The following CASZ1 variants were observed in gnomAD, a reference collection of about 807,000 sequenced individuals.
The protein encoded by CASZ1 is castor zinc finger 1.
CASZ1 carries 28 observed loss-of-function variants against 135.2 expected under a neutral mutation model. The ratio of observed to expected loss-of-function variants is 0.21; its 90% CI spans 0.15 to 0.28. The LOEUF (loss-of-function observed/expected upper bound fraction) is 0.28, where lower values mean the gene tolerates loss of function less well. Ranked by LOEUF, CASZ1 falls within the 10% of genes least tolerant of loss-of-function variation. CASZ1 has a pLI of 1.00. For synonymous variants in CASZ1, 1,068 were observed against 1,073.4 expected, an observed-to-expected ratio of 0.99 and a Z score of 0.10; for missense variants, 2,161 against 2,453.3, an observed-to-expected ratio of 0.88 and a Z score of 2.52.
Position 10,660,307 on chromosome 1 carries a change from C to G in CASZ1, c.735G>C (p.Lys245Asn). 3 of 1,614,124 alleles carry G rather than the reference C, an allele frequency of 1.9e-6. No individual in the cohort carries two copies. Among genetic ancestry groups the G allele is most frequent in the Non-Finnish European group, 2.5e-6 (3 of 1,180,030 alleles). The change falls in exon 6 of 21, where the codon AAG becomes AAC. Residue 245 changes from lysine to asparagine, a missense_variant. By Grantham distance (94) the Lys-to-Asn change is moderately conservative. Transcript: ENST00000377022. ...AGGAGAGCTGCTCGCCAGCCTTGAGCTTGCGGATGTACTCCTCATACTTAG... is the reference window on the plus strand; with the variant it reads ...AGGAGAGCTGCTCGCCAGCCTTGAGGTTGCGGATGTACTCCTCATACTTAG... ...RFSKYEEYIR[K>N]LKAGEQLSWP...
intron 20 of CASZ1, among the ~76,000 whole-genome samples, chr1:10,641,869 C>T (rs1402765858): frequency 6.6e-6 from 1 of 152,096 alleles, no homozygotes; most frequent in African/African-American, 2.4e-5. Flanking sequence ...GGATGGAGAC[C>T]ACGCTCTCTA....
intron 2 of CASZ1, among the ~76,000 whole-genome samples, chr1:10,715,991 C>T (rs1354661312): frequency 4.3e-5 from 6 of 138,244 alleles, no homozygotes; most frequent in South Asian, 5.0e-4. Context: ...GCACCCAATC[C>T]GCTCCCCACA....
chr1:10,705,122 C>A (rs536487346), intron 3 of CASZ1, among the ~76,000 whole-genome samples: 2 of 152,212 alleles, frequency 1.3e-5, no homozygotes, highest in Non-Finnish European at 2.9e-5. Flanking sequence ...CAGGCACAGC[C>A]GGCCACCGCC....
intron 1 of CASZ1, among the ~76,000 whole-genome samples, chr1:10,761,313 C>T (rs966523665): frequency 2.0e-5 from 3 of 152,250 alleles, no homozygotes; most frequent in Admixed American, 2.0e-4. Flanking sequence ...ACTTTCCCTG[C>T]GCCAGCTCCC....
chr1:10,770,425 C>T (rs967669371), intron 1 of CASZ1, among the ~76,000 whole-genome samples: 5 of 152,188 alleles, frequency 3.3e-5, no homozygotes, highest in Admixed American at 3.3e-4. Context: ...TTTCAATGCA[C>T]ATGAGCATAA....
At chr1:10,664,952 C>T in intron 5 of CASZ1, 131 bp downstream of exon 5, 1 of 1,110,528 alleles carries the variant, frequency 9.0e-7, no homozygotes, top group Non-Finnish European at 1.2e-6. Flanking sequence ...AGGAGCCCTC[C>T]CTGGGTGGGA....
In CASZ1 at chr1:10,666,476, C is replaced by T. The variant is rs1374164865; in HGVS notation, c.17-905G>A. ...GCTCCCCAGCCTCGGCCAGCCTCTG[C>T]AGCCCCGGAAGGCCTGGCCAGCCCA... On this transcript the variant is annotated intron_variant, in intron 4 of 20. Coordinates refer to ENST00000377022, the MANE Select transcript of CASZ1 (RefSeq NM_001079843.3). The surrounding 1 kb of genome is among the most constrained non-coding windows in gnomAD (Gnocchi z 5.2). Among the ~76,000 whole-genome samples the T allele has an allele frequency of 6.6e-6, 1 of 152,214 alleles. No individual in the cohort carries two copies.
intron 3 of CASZ1, among the ~76,000 whole-genome samples, chr1:10,703,794 C>T (rs547717571): frequency 2.8e-4 from 43 of 152,310 alleles, no homozygotes; most frequent in Non-Finnish European, 2.9e-5. Context: ...AAACAGTCTC[C>T]GTTGTAGCCA....
intron 2 of CASZ1, among the ~76,000 whole-genome samples, chr1:10,749,448 C>A (rs534131566): frequency 1.2e-4 from 19 of 152,262 alleles, no homozygotes; most frequent in African/African-American, 4.6e-4. Context: ...GGGGTTTCAC[C>A]ATGTTGGCCA....
chr1:10,730,468 A>T (rs559184091), intron 2 of CASZ1, among the ~76,000 whole-genome samples: 20 of 152,222 alleles, frequency 1.3e-4, no homozygotes, highest in African/African-American at 4.8e-4. Context: ...TTCGAGTCCA[A>T]TGCCTGTCTG....
intron 2 of CASZ1, among the ~76,000 whole-genome samples, chr1:10,758,392 C>T (rs1278868615): frequency 1.4e-5 from 2 of 147,372 alleles, no homozygotes; most frequent in Non-Finnish European, 3.0e-5. Context: ...AGTGCAGTGG[C>T]GCGATCTTGG....
rs903449751 is a variant in CASZ1, at chr1:10,676,696, C to T, written c.17-11125G>A. 1.3e-5 allele frequency among the ~76,000 whole-genome samples: 2 copies of T among 152,202 alleles called. No homozygotes were observed. The highest frequency in any genetic ancestry group is 2.4e-5 in the African/African-American group (1 of 41,450). On this transcript the variant is annotated intron_variant, in intron 4 of 20. Coordinates refer to ENST00000377022, the MANE Select transcript of CASZ1 (RefSeq NM_001079843.3). The surrounding 1 kb of genome is among the most constrained non-coding windows in gnomAD (Gnocchi z 4.5). Reference sequence around the variant, plus strand: ...ACAGCTCAGAAACGAGCCCCTGGCCCGGGGCGAGCAGCCCCACAGTTTCCT... The same window carrying T: ...ACAGCTCAGAAACGAGCCCCTGGCCTGGGGCGAGCAGCCCCACAGTTTCCT...
intron 2 of CASZ1, 84 bp from the exon 3 acceptor site, chr1:10,705,628 C>T (rs1368948786): frequency 6.6e-6 from 1 of 152,272 alleles, no homozygotes; most frequent in Non-Finnish European, 1.5e-5. Context: ...CCTGAGTACC[C>T]AGGCGCTCCC....
chr1:10,722,778 C>T (rs1437193572), intron 2 of CASZ1, among the ~76,000 whole-genome samples: 2 of 152,262 alleles, frequency 1.3e-5, no homozygotes, highest in Non-Finnish European at 2.9e-5. Flanking sequence ...CCCAGCCCAG[C>T]TGCCTCCCTC....
chr1:10,695,988 A>C (rs1260355531), intron 3 of CASZ1, among the ~76,000 whole-genome samples: 1 of 151,990 alleles, frequency 6.6e-6, no homozygotes, highest in East Asian at 1.9e-4. Context: ...CCTTCAGATG[A>C]GGGGAGGGGA....
rs1315195324 is a variant in CASZ1, at chr1:10,657,730, C to A, written c.1409+778G>T. Among the ~76,000 whole-genome samples the A allele has an allele frequency of 7.3e-6, 1 of 136,112 alleles. No homozygotes were observed. The highest frequency in any genetic ancestry group is 1.5e-5 in the Non-Finnish European group (1 of 65,586). 89.3% of individuals were successfully genotyped at this position (136,112 alleles called of 152,430 possible). ...GAGAGACAGAGCGGGCGGGAGGAAC[C>A]TGGAAGATCTGCGGACAGACAGGCG... On this transcript the variant is annotated intron_variant, in intron 7 of 20. Coordinates refer to ENST00000377022, the MANE Select transcript of CASZ1 (RefSeq NM_001079843.3). The surrounding 1 kb of genome is among the most constrained non-coding windows in gnomAD (Gnocchi z 5.7).
chr1:10,651,158 G>A, intron 11 of CASZ1, 82 bp from the exon 12 acceptor site: 2 of 1,222,480 alleles, frequency 1.6e-6, no homozygotes, highest in Non-Finnish European at 1.1e-6. Context: ...CCCCTGGAGG[G>A]AGGGCAGTGG....
In CASZ1 at chr1:10,647,751, T is replaced by G; in HGVS notation, c.3497+50A>C. On this transcript the variant is annotated intron_variant, in intron 16 of 20. Transcript: ENST00000377022. The surrounding 1 kb of genome is among the most constrained non-coding windows in gnomAD (Gnocchi z 4.9). Reference sequence around the variant, plus strand: ...TCCTAGCGCCCTTGCTAGCACCTACTCCCGAGACGCGAGGGGAACGCGGGA... The same window carrying G: ...TCCTAGCGCCCTTGCTAGCACCTACGCCCGAGACGCGAGGGGAACGCGGGA... The G allele has an allele frequency of 1.9e-6, 3 of 1,608,544 alleles. No homozygotes were observed. The highest frequency in any genetic ancestry group is 1.1e-5 in the South Asian group (1 of 90,912).
chr1:10,655,459 C>T (rs1642755509), intron 9 of CASZ1, among the ~76,000 whole-genome samples, 190 bp downstream of exon 9: 1 of 152,254 alleles, frequency 6.6e-6, no homozygotes, highest in Admixed American at 6.5e-5. Context: ...CAGACGCTGC[C>T]CAAGCCTGAA....
Sources: gnomAD v4.1 joint callset for allele counts (sites outside exome capture counted in the v4.1 genomes callset) on GRCh38, gnomAD v4.1.1 for gene constraint, Gnocchi (gnomAD v3.1) non-coding constraint, MANE v1.5 for transcripts, NCBI Gene and HGNC (gene_info 2026-07-23, HGNC 2026-07-21) for gene names.